The following LIMCH1 variants were observed in gnomAD, a reference collection of about 807,000 sequenced individuals.
LIMCH1 encodes the protein LIM and calponin homology domains-containing protein 1.
Under a neutral mutation model 176.5 loss-of-function variants are expected in LIMCH1, and 113 were observed. The observed-to-expected ratio is 0.64, with a 90% CI of 0.55 to 0.75. LIMCH1 has a LOEUF of 0.75. LIMCH1 is among the 30% of genes least tolerant of loss of function. The pLI is 0.00. For missense variants in LIMCH1, 1,674 were observed against 1,814.9 expected, an observed-to-expected ratio of 0.92 and a Z score of 1.41; for synonymous variants, 619 against 645.9, an observed-to-expected ratio of 0.96 and a Z score of 0.63.
chr4:41,603,984 C>T, intron 3 of LIMCH1, 79 bp downstream of exon 3: 2 of 1,257,132 alleles, frequency 1.6e-6, no homozygotes, highest in Non-Finnish European at 2.3e-6. Flanking sequence ...TCTCATATGC[C>T]TTGCTGGAAA....
chr4:41,375,833 G>A (rs988162177), intron 1 of LIMCH1, among the ~76,000 whole-genome samples: 1 of 152,238 alleles, frequency 6.6e-6, no homozygotes, highest in African/African-American at 2.4e-5. Context: ...AACTGGTTGG[G>A]CAGCTTAGGT....
intron 31 of LIMCH1, among the ~76,000 whole-genome samples, chr4:41,696,779 A>G (rs1469719870): frequency 1.3e-5 from 2 of 152,146 alleles, no homozygotes; most frequent in African/African-American, 4.8e-5. Context: ...AGAAATCAAA[A>G]CCTAAGGAAA....
At chr4:41,383,247 A>T (rs2055983813) in intron 1 of LIMCH1, among the ~76,000 whole-genome samples, 1 of 152,218 alleles carries the variant, frequency 6.6e-6, no homozygotes, top group African/African-American at 2.4e-5. Flanking sequence ...CTGGTGAGTT[A>T]GAGAGATATA....
intron 1 of LIMCH1, among the ~76,000 whole-genome samples, chr4:41,369,943 T>TGTGTGTGTGTG (rs150394285): frequency 0.066 from 10,063 of 151,466 alleles, 723 homozygotes; most frequent in African/African-American, 0.17. Flanking sequence ...AAGCAAAGTG[T>TGTGTGTGTGTG]GTGTGTGTGT....
intron 1 of LIMCH1, among the ~76,000 whole-genome samples, chr4:41,444,052 G>A (rs1398916131): frequency 5.3e-5 from 8 of 152,126 alleles, no homozygotes; most frequent in Admixed American, 5.2e-4. Flanking sequence ...ATCTGGATAG[G>A]TATTGTCCGT....
intron 18 of LIMCH1, among the ~76,000 whole-genome samples, 155 bp from the exon 19 acceptor site, chr4:41,661,265 A>T (rs1473387960): frequency 3.3e-5 from 5 of 152,204 alleles, no homozygotes; most frequent in Admixed American, 1.3e-4. Context: ...CCTTCCAACC[A>T]ATCCAGGCTC....
chr4:41,431,292 A>G (rs891499293), intron 1 of LIMCH1, among the ~76,000 whole-genome samples: 1 of 152,230 alleles, frequency 6.6e-6, no homozygotes, highest in African/African-American at 2.4e-5. Context: ...TTGAGGATCT[A>G]TAGACATAGA....
At chr4:41,563,168 C>G (rs988412351) in intron 1 of LIMCH1, among the ~76,000 whole-genome samples, 1 of 152,104 alleles carries the variant, frequency 6.6e-6, no homozygotes, top group Non-Finnish European at 1.5e-5. Flanking sequence ...GTGCCATCAC[C>G]GACCAGCTCT....
upstream of LIMCH1, among the ~76,000 whole-genome samples, chr4:41,537,609 T>C (rs1016551128): frequency 3.9e-5 from 6 of 152,164 alleles, no homozygotes; most frequent in Admixed American, 1.3e-4. Flanking sequence ...TGGGGATTCA[T>C]GGAGTGAGTT....
At chr4:41,472,980 C>CTT (rs111368469) in intron 1 of LIMCH1, 133 of 777,406 alleles carry the variant, frequency 1.7e-4, no homozygotes, top group African/African-American at 5.2e-4. Context: ...TGCTGTAAGC[C>CTT]TTTTTTTTTT....
At chr4:41,678,729 C>T (rs1056629161) in intron 23 of LIMCH1, among the ~76,000 whole-genome samples, 2 of 150,008 alleles carry the variant, frequency 1.3e-5, no homozygotes, top group Non-Finnish European at 3.0e-5. Flanking sequence ...AGAGAGAGAT[C>T]GTGTGTGTGT....
chr4:41,653,818 A>G (rs2152955162), intron 18 of LIMCH1, among the ~76,000 whole-genome samples: 2 of 152,114 alleles, frequency 1.3e-5, no homozygotes, highest in Middle Eastern at 6.8e-3. Context: ...CTCATTTGAA[A>G]CTCTTGGGAC....
chr4:41,613,493 C>G lies in LIMCH1; in HGVS notation c.37C>G (p.Arg13Gly), dbSNP rs764998077. Residue 13 changes from arginine to glycine, a missense_variant, in exon 5 of 32, where the codon CGC becomes GGC. Coordinates refer to ENST00000503057, the MANE Select transcript of LIMCH1 (RefSeq NM_001330672.2). ...KDTDDIESPK[R>G]SIRDSGYIDC... ...CACTGATGACATTGAAAGTCCTAAA[C>G]GCAGTATCCGAGACAGTGGCTACAT... 6.2e-7 allele frequency: 1 copy of G among 1,614,052 alleles called. No homozygotes were observed. The highest frequency in any genetic ancestry group is 2.2e-5 in the East Asian group (1 of 44,872).
chr4:41,365,615 A>C (rs2154092932), intron 1 of LIMCH1, among the ~76,000 whole-genome samples: 1 of 152,358 alleles, frequency 6.6e-6, no homozygotes, highest in African/African-American at 2.4e-5. Flanking sequence ...GCTTTGCATA[A>C]GTTGCCAAGG....
intron 3 of LIMCH1, among the ~76,000 whole-genome samples, chr4:41,531,385 A>T (rs2077264701): frequency 6.9e-6 from 1 of 144,972 alleles, no homozygotes; most frequent in Non-Finnish European, 1.5e-5. Flanking sequence ...CTGGAGTCTT[A>T]AAAAAAAAGT....
chr4:41,632,970 G>T lies in LIMCH1; in HGVS notation c.1721-7G>T. The T allele has an allele frequency of 6.5e-7, 1 of 1,535,526 alleles. No homozygotes were observed. The highest frequency in any genetic ancestry group is 8.7e-7 in the Non-Finnish European group (1 of 1,146,392). On this transcript the variant is annotated splice_polypyrimidine_tract_variant and splice_region_variant and intron_variant, in intron 11 of 31. Coordinates refer to ENST00000503057, the MANE Select transcript of LIMCH1 (RefSeq NM_001330672.2). ...CCTAGGAGTGAAACTGTCCTCTCTGGCTTTAGTTACATCCAAACAGCTGCC... is the reference window on the plus strand; with the variant it reads ...CCTAGGAGTGAAACTGTCCTCTCTGTCTTTAGTTACATCCAAACAGCTGCC...
At chr4:41,528,102 T>G (rs895518185) in intron 3 of LIMCH1, among the ~76,000 whole-genome samples, 1 of 150,552 alleles carries the variant, frequency 6.6e-6, no homozygotes, top group Non-Finnish European at 1.5e-5. Flanking sequence ...CAAATATATA[T>G]GCTGGAGTAT....
intron 2 of LIMCH1, among the ~76,000 whole-genome samples, chr4:41,496,160 T>C (rs2072084927): frequency 6.6e-6 from 1 of 152,190 alleles, no homozygotes; most frequent in African/African-American, 2.4e-5. Context: ...ACCATGTTGG[T>C]TCAATTGAAG....
intron 8 of LIMCH1, among the ~76,000 whole-genome samples, 187 bp downstream of exon 8, chr4:41,627,197 C>T (rs2152849612): frequency 6.6e-6 from 1 of 152,246 alleles, no homozygotes; most frequent in Middle Eastern, 3.4e-3. Context: ...GATATTCAAT[C>T]TCCCTTAAAT....
Sources: allele counts gnomAD v4.1 joint callset (sites outside exome capture counted in the v4.1 genomes callset), GRCh38; gene constraint gnomAD v4.1.1; transcripts MANE v1.5; gene names NCBI Gene and HGNC (gene_info 2026-07-23, HGNC 2026-07-21).